Variants in DBF4B observed in about 807,000 individuals in gnomAD.
DBF4B encodes the protein protein DBF4 homolog B.
A neutral mutation model predicts 53.4 loss-of-function variants in DBF4B; 49 were observed. The ratio of observed to expected loss-of-function variants is 0.92; its 90% CI spans 0.73 to 1.16. The LOEUF is 1.16. DBF4B is among the 50% of genes most tolerant of loss of function. The pLI is 0.00. For synonymous variants in DBF4B, 257 were observed against 288.7 expected (o/e 0.89, Z 1.11); for missense variants, 692 against 775.0 (o/e 0.89, Z 1.27).
intron 5 of DBF4B, 48 bp from the exon 6 acceptor site, chr17:44,732,130 G>C (rs1974891390): frequency 6.3e-7 from 1 of 1,595,036 alleles, no homozygotes; most frequent in Non-Finnish European, 8.6e-7. Context: ...TTCACTTTCA[G>C]GCCTTGGGGA....
intron 3 of DBF4B, among the ~76,000 whole-genome samples, chr17:44,729,403 A>T (rs143599574): frequency 6.6e-6 from 1 of 151,856 alleles, no homozygotes; most frequent in African/African-American, 2.4e-5. Context: ...ACAGGATCTT[A>T]CTATGTTGCC....
intron 10 of DBF4B, 37 bp from the exon 11 acceptor site, chr17:44,747,046 G>A (rs1408545447): frequency 3.1e-6 from 5 of 1,594,274 alleles, no homozygotes; most frequent in African/African-American, 1.3e-5. Flanking sequence ...AAGGGCCCCA[G>A]CAGTAACCAC....
Position 44,750,701 on chromosome 17 carries a change from G to T in DBF4B, c.1296G>T (p.Pro432=). The T allele has an allele frequency of 1.2e-6, 2 of 1,614,066 alleles. No homozygotes were observed. The highest frequency in any genetic ancestry group is 1.7e-6 in the Non-Finnish European group (2 of 1,180,012). ...GTGTGAGTGCCACAACCCTCCTGCC[G>T]GCCTTGCCCAAGGGCTCCAGGGAGC... ...HTCVSATTLL[P]ALPKGSREQG... Residue 432 remains proline, a synonymous_variant, in exon 14 of 14, where the codon CCG becomes CCT. Coordinates refer to ENST00000315005, the MANE Select transcript of DBF4B (RefSeq NM_145663.3).
chr17:44,751,920 T>C lies in DBF4B; in HGVS notation c.*667T>C. 6.5e-7 allele frequency: 1 copy of C among 1,536,066 alleles called. No individual in the cohort carries two copies. The highest frequency in any genetic ancestry group is 8.7e-7 in the Non-Finnish European group (1 of 1,146,898). ...CCTGCCCTTCCTCACCATTGCCCAT[T>C]CCCTCGTTCGTTCATTCAGCACAGG... On this transcript the variant is annotated 3_prime_UTR_variant, in exon 14 of 14. Transcript: ENST00000315005.
Position 44,732,167 on chromosome 17 carries a change from T to G in DBF4B, c.469-11T>G, listed in dbSNP as rs897059110. 1.2e-6 allele frequency: 2 copies of G among 1,613,868 alleles called. No individual in the cohort carries two copies. Among genetic ancestry groups the G allele is most frequent in the Non-Finnish European group, 8.5e-7 (1 of 1,179,924 alleles). On this transcript the variant is annotated splice_polypyrimidine_tract_variant and intron_variant, in intron 5 of 13. Coordinates refer to ENST00000315005, the MANE Select transcript of DBF4B (RefSeq NM_145663.3). ...TCTCTGCTCCTACCTGACTCTGTGT[T>G]GTAATTTCAGGGGAGCATCAGTGGA...
chr17:44,741,447 T>C lies in DBF4B; in HGVS notation c.825T>C (p.His275=). 6.3e-7 allele frequency: 1 copy of C among 1,599,588 alleles called. No individual in the cohort carries two copies. Among genetic ancestry groups the C allele is most frequent in the Non-Finnish European group, 8.5e-7 (1 of 1,172,606 alleles). The change falls in exon 10 of 14, where the codon CAT becomes CAC. Residue 275 remains histidine (H), a synonymous_variant. Transcript: ENST00000315005. ...CGACGACCCTGGGCAGCATGCACCA[T>C]ACCAGGTGGGTCTTTCTGGTTCCTG... The part of the protein sequence containing the change: ...EAPTTLGSMH[H]TRESKDGEPS...
chr17:44,717,784 G>T (rs759004847), intron 2 of DBF4B, among the ~76,000 whole-genome samples: 9 of 151,956 alleles, frequency 5.9e-5, no homozygotes, highest in Admixed American at 5.3e-4. Context: ...GGAGGCTGAG[G>T]TGAGAAGATC....
intron 2 of DBF4B, among the ~76,000 whole-genome samples, chr17:44,712,373 C>T (rs1157013050): frequency 1.6e-5 from 2 of 128,122 alleles, no homozygotes; most frequent in South Asian, 2.7e-4. Flanking sequence ...ACAATCATCT[C>T]GGCTCACTGC....
chr17:44,714,248 T>G (rs1973143246), intron 2 of DBF4B, among the ~76,000 whole-genome samples: 1 of 152,190 alleles, frequency 6.6e-6, no homozygotes, highest in Non-Finnish European at 1.5e-5. Context: ...GGGTGACAGG[T>G]GCACTAAAAT....
At chr17:44,715,659 CTTG>C (rs1391272691) in intron 2 of DBF4B, among the ~76,000 whole-genome samples, 12 of 151,672 alleles carry the variant, frequency 7.9e-5, no homozygotes, top group African/African-American at 2.4e-4. Flanking sequence ...CTTACAGTGT[CTTG>C]TTGTGCTTAA....
At chr17:44,727,232 C>T (rs1360148583) in intron 3 of DBF4B, among the ~76,000 whole-genome samples, 1 of 150,550 alleles carries the variant, frequency 6.6e-6, no homozygotes, top group Non-Finnish European at 1.5e-5. Flanking sequence ...GCCTGGCCAA[C>T]ATGATGAAAC....
At chr17:44,723,938 C>T (rs1048742920) in intron 3 of DBF4B, among the ~76,000 whole-genome samples, 3 of 151,918 alleles carry the variant, frequency 2.0e-5, no homozygotes, top group Non-Finnish European at 4.4e-5. Flanking sequence ...GGCGAGAGCC[C>T]GTCTCTACAA....
intron 6 of DBF4B, chr17:44,733,807 T>C: frequency 2.4e-6 from 1 of 412,130 alleles, no homozygotes; most frequent in Non-Finnish European, 4.4e-6. Context: ...TGCCTTAAAG[T>C]CCTTAGCAAG....
Position 44,749,723 on chromosome 17 carries a change from G to T in DBF4B, c.1190-872G>T, listed in dbSNP as rs928333587. 4.3e-5 allele frequency: 49 copies of T among 1,138,206 alleles called. No homozygotes were observed. The highest frequency in any genetic ancestry group is 8.7e-6 in the Non-Finnish European group (8 of 915,122). The allele number at this position is 1,138,206 out of a possible 1,614,324, so 70.5% of individuals were successfully genotyped here. On this transcript the variant is annotated intron_variant, in intron 13 of 13. Coordinates refer to ENST00000315005, the MANE Select transcript of DBF4B (RefSeq NM_145663.3). This position sits in a 1 kb window ranked among gnomAD's most constrained non-coding sequence, Gnocchi z 4.4. ...TGGGGAGGGACCACAAAGGAGCTGG[G>T]GCAGCAGGAGTCCTGGCCCGGCTTC...
chr17:44,742,364 T>C (rs928423494), intron 10 of DBF4B, among the ~76,000 whole-genome samples: 2 of 147,450 alleles, frequency 1.4e-5, no homozygotes, highest in African/African-American at 5.0e-5. Context: ...GAGCTGAGAT[T>C]GCGCCACTGT....
intron 2 of DBF4B, among the ~76,000 whole-genome samples, chr17:44,719,394 A>G (rs1973626118): frequency 6.6e-6 from 1 of 152,072 alleles, no homozygotes; most frequent in African/African-American, 2.4e-5. Context: ...ATCAATTTAG[A>G]GCACTTTTCT....
chr17:44,709,105 C>T (rs945963119), intron 1 of DBF4B, among the ~76,000 whole-genome samples, 199 bp from the exon 2 acceptor site: 1 of 151,936 alleles, frequency 6.6e-6, no homozygotes, highest in Admixed American at 6.6e-5. Flanking sequence ...GTTGACTGAA[C>T]GGAGTCTGAA....
At chr17:44,741,679 G>C (rs1976046189) in intron 10 of DBF4B, among the ~76,000 whole-genome samples, 1 of 152,174 alleles carries the variant, frequency 6.6e-6, no homozygotes, top group Non-Finnish European at 1.5e-5. Context: ...GAGGTGCCAG[G>C]GTTGTGAAGG....
chr17:44,742,050 C>T (rs969404286), intron 10 of DBF4B, among the ~76,000 whole-genome samples: 2 of 149,008 alleles, frequency 1.3e-5, no homozygotes, highest in Non-Finnish European at 3.0e-5. Flanking sequence ...AGTTTGAGAC[C>T]AACTTGGGCA....
Sources: gnomAD v4.1 joint callset for allele counts (sites outside exome capture counted in the v4.1 genomes callset) on GRCh38, gnomAD v4.1.1 for gene constraint, Gnocchi (gnomAD v3.1) non-coding constraint, MANE v1.5 for transcripts, NCBI Gene and HGNC (gene_info 2026-07-23, HGNC 2026-07-21) for gene names.